The following TBL1X variants were observed in gnomAD, a reference collection of about 807,000 sequenced individuals.
TBL1X encodes transducin beta like 1 X-linked, also known as F-box-like/WD repeat-containing protein TBL1X.
TBL1X carries 10 observed loss-of-function variants against 50.7 expected under a neutral mutation model. The ratio of observed to expected loss-of-function variants is 0.20; its 90% CI spans 0.12 to 0.33. The LOEUF is 0.33. Among genes scored for constraint, TBL1X ranks in the 10% least tolerant of loss-of-function variants. The pLI is 1.00. For synonymous variants in TBL1X, 190 were observed against 214.7 expected, an observed-to-expected ratio of 0.88 and a Z score of 1.01; for missense variants, 340 against 504.4, an observed-to-expected ratio of 0.67 and a Z score of 3.12.
At chrX:9,467,716 C>T (rs1472663765) in intron 1 of TBL1X, among the ~76,000 whole-genome samples, 3 of 111,386 alleles carry the variant, frequency 2.7e-5, no homozygotes, top group Non-Finnish European at 5.7e-5. Context: ...GTCTTGCCCC[C>T]TCCACTCCCG....
rs1569205446 is a variant in TBL1X at position 9,491,321 on chromosome X, TA to T, written c.-200-10458del. Among the ~76,000 whole-genome samples, 11 of 33,134 alleles carry T rather than the reference TA, an allele frequency of 3.3e-4. 1 individual carries two copies. Among genetic ancestry groups the T allele is most frequent in the East Asian group, 2.5e-3 (2 of 811 alleles). The allele number at this position is 33,134 out of a possible 115,157, so 28.8% of individuals were successfully genotyped here. ...GCCAGTATATTTATATATATATATA[TA>T]TATATATATATATATATTTTTTTTT... On this transcript the variant is annotated intron_variant, in intron 1 of 17. Coordinates refer to ENST00000645353, the MANE Select transcript of TBL1X (RefSeq NM_005647.4).
chrX:9,464,157 G>T (rs1297032464), upstream of TBL1X, among the ~76,000 whole-genome samples: 1 of 111,696 alleles, frequency 9.0e-6, no homozygotes, highest in African/African-American at 3.3e-5. Flanking sequence ...GCTGCGAGTG[G>T]TTGGGAGTAG....
chrX:9,480,757 A>ACCCC (rs60470790), intron 1 of TBL1X, among the ~76,000 whole-genome samples: 57 of 46,881 alleles, frequency 1.2e-3, no homozygotes, highest in Non-Finnish European at 1.4e-3. Flanking sequence ...AAATTAAGCC[A>ACCCC]CCCCCCCCCC....
intron 2 of TBL1X, among the ~76,000 whole-genome samples, chrX:9,612,198 G>T (rs1463643345): frequency 5.3e-5 from 6 of 112,280 alleles, no homozygotes; most frequent in Non-Finnish European, 1.1e-4. Flanking sequence ...TGGTCGGGGA[G>T]GGGGGAAGAA....
intron 2 of TBL1X, among the ~76,000 whole-genome samples, chrX:9,554,634 T>C (rs1438631502): frequency 8.9e-6 from 1 of 112,560 alleles, no homozygotes; most frequent in Non-Finnish European, 1.9e-5. Context: ...TAGTCTAGTT[T>C]TCTGGTTGTA....
upstream of TBL1X, among the ~76,000 whole-genome samples, chrX:9,463,892 G>GAAAAAC (rs59169859): frequency 0.47 from 49,019 of 105,373 alleles, 9,409 homozygotes; most frequent in East Asian, 0.69. Flanking sequence ...AGACTCCTCA[G>GAAAAAC]AAAAACAAAA....
chrX:9,485,828 C>T (rs1216972219), intron 1 of TBL1X, among the ~76,000 whole-genome samples: 4 of 112,193 alleles, frequency 3.6e-5, no homozygotes, highest in African/African-American at 9.7e-5. Context: ...ATTTGCCTTT[C>T]GGGTGTCTGA....
chrX:9,615,375 A>G (rs2082634178), intron 2 of TBL1X, among the ~76,000 whole-genome samples: 1 of 111,876 alleles, frequency 8.9e-6, no homozygotes, highest in South Asian at 3.7e-4. Context: ...TCAGTATTTC[A>G]TTCTTAAAAG....
intron 5 of TBL1X, among the ~76,000 whole-genome samples, chrX:9,658,867 C>T (rs761367281): frequency 3.3e-4 from 37 of 112,089 alleles, no homozygotes; most frequent in Non-Finnish European, 5.3e-4. Flanking sequence ...TGCAGTGGCA[C>T]GATCACGGCT....
At chrX:9,510,067 C>T (rs937137047) in intron 2 of TBL1X, among the ~76,000 whole-genome samples, 1 of 111,498 alleles carries the variant, frequency 9.0e-6, no homozygotes, top group African/African-American at 3.3e-5. Flanking sequence ...AATCACCACA[C>T]CCTAACATTC....
At chrX:9,663,728 T>C (rs1206424692) in intron 5 of TBL1X, among the ~76,000 whole-genome samples, 2 of 92,650 alleles carry the variant, frequency 2.2e-5, no homozygotes, top group Admixed American at 1.3e-4. Context: ...ACAGCTGCAC[T>C]CCAGCCTGGG....
At chrX:9,508,693 G>A (rs889699217) in intron 2 of TBL1X, among the ~76,000 whole-genome samples, 1 of 111,622 alleles carries the variant, frequency 9.0e-6, no homozygotes. Flanking sequence ...AACCCAAATG[G>A]CCATCAGTGA....
intron 2 of TBL1X, among the ~76,000 whole-genome samples, chrX:9,523,355 C>T (rs1370882363): frequency 6.3e-5 from 7 of 111,922 alleles, no homozygotes; most frequent in Admixed American, 1.9e-4. Flanking sequence ...TGAGCAACAG[C>T]GACTGGTGCC....
chrX:9,697,507 T>TA, intron 12 of TBL1X, 78 bp downstream of exon 12: 6 of 1,175,296 alleles, frequency 5.1e-6, no homozygotes, highest in Admixed American at 2.3e-5. Flanking sequence ...CCCAGTGGCT[T>TA]ACGCCTGTAA....
At chrX:9,555,515 G>T (rs1403047990) in intron 2 of TBL1X, among the ~76,000 whole-genome samples, 1 of 111,781 alleles carries the variant, frequency 8.9e-6, no homozygotes, top group African/African-American at 3.3e-5. Context: ...CTCGTGTACA[G>T]GTGTTTACAT....
chrX:9,477,367 T>C (rs976020979), intron 1 of TBL1X, among the ~76,000 whole-genome samples: 1 of 112,230 alleles, frequency 8.9e-6, no homozygotes, highest in African/African-American at 3.2e-5. Context: ...ACAACAAATA[T>C]ATTTTTCTGT....
chrX:9,542,545 C>G (rs1009108648), intron 2 of TBL1X, among the ~76,000 whole-genome samples: 1 of 111,722 alleles, frequency 9.0e-6, no homozygotes, highest in African/African-American at 3.3e-5. Context: ...TTCATCATGA[C>G]CTGAGCTTGT....
At chrX:9,490,442 T>C (rs1226423547) in intron 1 of TBL1X, among the ~76,000 whole-genome samples, 4 of 112,019 alleles carry the variant, frequency 3.6e-5, no homozygotes, top group African/African-American at 1.3e-4. Context: ...CCCCAGGGGT[T>C]CCACTAAGCA....
intron 2 of TBL1X, among the ~76,000 whole-genome samples, chrX:9,536,486 G>T (rs2082188660): frequency 9.0e-6 from 1 of 111,140 alleles, no homozygotes; most frequent in South Asian, 3.9e-4. Flanking sequence ...TCTTGACCTT[G>T]TGATCTGCCT....
Sources: gnomAD v4.1 joint callset for allele counts (sites outside exome capture counted in the v4.1 genomes callset) on GRCh38, gnomAD v4.1.1 for gene constraint, MANE v1.5 for transcripts, NCBI Gene and HGNC (gene_info 2026-07-23, HGNC 2026-07-21) for gene names.